CTNNA3: variants seen among roughly 807,000 people sequenced by gnomAD.
CTNNA3 encodes the protein catenin alpha-3.
In CTNNA3, 76 loss-of-function variants were observed where a neutral mutation model predicts 95.7. The ratio of observed to expected loss-of-function variants is 0.79; its 90% CI spans 0.66 to 0.96. The LOEUF (loss-of-function observed/expected upper bound fraction) is 0.96, where lower values mean the gene tolerates loss of function less well. Among genes scored for constraint, CTNNA3 ranks in the 40% least tolerant of loss-of-function variants. The probability of loss-of-function intolerance (pLI) is 0.00; values close to 1 mark genes in which losing one functional copy is unlikely to be tolerated. For missense variants in CTNNA3, 1,191 were observed against 1,089.8 expected, an observed-to-expected ratio of 1.09 and a Z score of -1.31; for synonymous variants, 431 against 374.4, an observed-to-expected ratio of 1.15 and a Z score of -1.74.
intron 5 of CTNNA3, among the ~76,000 whole-genome samples, chr10:67,507,821 C>G (rs1236921802): frequency 6.6e-6 from 1 of 152,078 alleles, no homozygotes; most frequent in Non-Finnish European, 1.5e-5. Flanking sequence ...CAAAACTCCT[C>G]AACAAAATAC....
intron 9 of CTNNA3, among the ~76,000 whole-genome samples, chr10:66,645,438 T>C (rs2132394229): frequency 6.6e-6 from 1 of 152,322 alleles, no homozygotes; most frequent in African/African-American, 2.4e-5. Flanking sequence ...AGGTGTCAAA[T>C]TGCTCCAACA....
At chr10:66,494,221 A>G (rs1177463235) in intron 11 of CTNNA3, among the ~76,000 whole-genome samples, 2 of 152,136 alleles carry the variant, frequency 1.3e-5, no homozygotes, top group African/African-American at 4.8e-5. Context: ...CTACAGTATT[A>G]TTAATGCAAA....
chr10:66,405,480 T>C (rs2093050063), intron 11 of CTNNA3, among the ~76,000 whole-genome samples: 1 of 152,202 alleles, frequency 6.6e-6, no homozygotes, highest in Admixed American at 6.5e-5. Context: ...CAGTGTTTCC[T>C]TTTTAAGATT....
At chr10:66,251,337 A>G (rs2090545454) in intron 13 of CTNNA3, among the ~76,000 whole-genome samples, 2 of 152,064 alleles carry the variant, frequency 1.3e-5, no homozygotes, top group Admixed American at 1.3e-4. Context: ...ATACTTGACA[A>G]TGCCTCTCAT....
chr10:67,182,798 G>A lies in CTNNA3; in HGVS notation c.844-2278C>T, dbSNP rs1862625336. ...TTTTGCAATCTACTCATGTAACAAA[G>A]GGCTAATATCCAGAATCTACAATGA... On this transcript the variant is annotated intron_variant, in intron 6 of 17. Transcript: ENST00000433211. Among the ~76,000 whole-genome samples, 3 of 152,142 alleles carry A rather than the reference G, an allele frequency of 2.0e-5. No homozygotes were observed. In the South Asian group the frequency reaches 6.2e-4, roughly 32 times the overall value.
intron 10 of CTNNA3, among the ~76,000 whole-genome samples, chr10:66,609,477 A>T (rs1299100536): frequency 1.3e-5 from 2 of 151,178 alleles, no homozygotes; most frequent in South Asian, 2.1e-4. Flanking sequence ...GAAGACATAC[A>T]TGTGGCCAAA....
At chr10:66,668,122 C>T (rs1682076399) in intron 9 of CTNNA3, among the ~76,000 whole-genome samples, 1 of 152,054 alleles carries the variant, frequency 6.6e-6, no homozygotes, top group Non-Finnish European at 1.5e-5. Context: ...GAGTTAAATG[C>T]TTTCTTCTAA....
chr10:66,174,124 C>T (rs903210198), intron 13 of CTNNA3, among the ~76,000 whole-genome samples: 2 of 152,120 alleles, frequency 1.3e-5, no homozygotes, highest in Non-Finnish European at 2.9e-5. Flanking sequence ...GAAACTGAGG[C>T]ATAGCAAAGT....
At chr10:66,521,484 A>C (rs1007989168) in intron 10 of CTNNA3, among the ~76,000 whole-genome samples, 1 of 152,136 alleles carries the variant, frequency 6.6e-6, no homozygotes, top group Non-Finnish European at 1.5e-5. Flanking sequence ...TAGGACTGTA[A>C]GTTGAATGCC....
At chr10:67,705,275 T>G (rs1343601278) in intron 1 of CTNNA3, among the ~76,000 whole-genome samples, 1 of 152,150 alleles carries the variant, frequency 6.6e-6, no homozygotes, top group Non-Finnish European at 1.5e-5. Flanking sequence ...ATCCCATTAC[T>G]GGGTATATAC....
intron 13 of CTNNA3, among the ~76,000 whole-genome samples, chr10:66,162,579 G>A (rs750951932): frequency 1.7e-4 from 26 of 152,154 alleles, no homozygotes; most frequent in African/African-American, 3.1e-4. Flanking sequence ...TCTCTCAGCC[G>A]TGGATACCAG....
chr10:67,502,515 G>C (rs1202827879), intron 5 of CTNNA3, among the ~76,000 whole-genome samples: 1 of 152,208 alleles, frequency 6.6e-6, no homozygotes. Flanking sequence ...GAGAGCTGCT[G>C]CTCTCTTCAG....
chr10:67,140,537 C>A (rs1423758432), intron 7 of CTNNA3, among the ~76,000 whole-genome samples: 5 of 151,994 alleles, frequency 3.3e-5, no homozygotes, highest in African/African-American at 1.2e-4. Flanking sequence ...CTTCTGAACC[C>A]AGATCTACTA....
At chr10:66,627,338 C>T (rs899612904) in intron 9 of CTNNA3, among the ~76,000 whole-genome samples, 1 of 152,114 alleles carries the variant, frequency 6.6e-6, no homozygotes, top group African/African-American at 2.4e-5. Flanking sequence ...GGATCCTGGT[C>T]CTCCCCTAGG....
chr10:66,606,207 C>G (rs1223153919), intron 10 of CTNNA3, among the ~76,000 whole-genome samples: 3 of 152,064 alleles, frequency 2.0e-5, no homozygotes, highest in African/African-American at 7.2e-5. Context: ...GGGTTAAATA[C>G]AACAAGAAGA....
intron 15 of CTNNA3, among the ~76,000 whole-genome samples, chr10:66,035,670 T>C (rs942941181): frequency 2.6e-5 from 4 of 152,110 alleles, no homozygotes; most frequent in Non-Finnish European, 5.9e-5. Flanking sequence ...TGTTTATAGA[T>C]AAAGGATTTT....
At chr10:66,274,060 G>C (rs191184448) in intron 13 of CTNNA3, among the ~76,000 whole-genome samples, 1 of 152,112 alleles carries the variant, frequency 6.6e-6, no homozygotes, top group African/African-American at 2.4e-5. Flanking sequence ...CAGGATTTTC[G>C]TAAAGGCTAA....
At chr10:67,284,901 C>G (rs984073612) in intron 5 of CTNNA3, among the ~76,000 whole-genome samples, 1 of 152,098 alleles carries the variant, frequency 6.6e-6, no homozygotes, top group African/African-American at 2.4e-5. Flanking sequence ...CAAAATTTAT[C>G]AAGCCTGGAG....
chr10:67,519,999 T>C (rs909366294), intron 5 of CTNNA3, among the ~76,000 whole-genome samples: 1 of 152,172 alleles, frequency 6.6e-6, no homozygotes, highest in Non-Finnish European at 1.5e-5. Context: ...GAAGTCAGAC[T>C]TGATTTAGAT....
Sources: allele counts gnomAD v4.1 joint callset (sites outside exome capture counted in the v4.1 genomes callset), GRCh38; gene constraint gnomAD v4.1.1; transcripts MANE v1.5; gene names NCBI Gene and HGNC (gene_info 2026-07-23, HGNC 2026-07-21).